DIAPH3: variants seen among roughly 807,000 people sequenced by gnomAD.
DIAPH3 encodes the protein diaphanous related formin 3.
A neutral mutation model predicts 144.3 loss-of-function variants in DIAPH3; 117 were observed. The ratio of observed to expected loss-of-function variants is 0.81; its 90% CI spans 0.70 to 0.95. DIAPH3 has a LOEUF of 0.95. DIAPH3 is among the 40% of genes least tolerant of loss of function. The pLI is 0.00. For missense variants in DIAPH3, 1,421 were observed against 1,412.7 expected, an observed-to-expected ratio of 1.01 and a Z score of -0.09; for synonymous variants, 519 against 488.9, an observed-to-expected ratio of 1.06 and a Z score of -0.81.
chr13:59,924,345 C>T (rs558407039), intron 18 of DIAPH3, among the ~76,000 whole-genome samples: 5 of 152,216 alleles, frequency 3.3e-5, no homozygotes, highest in Middle Eastern at 3.4e-3. Context: ...ACTCACCATC[C>T]TTATTTCCGT....
At chr13:59,893,385 A>G (rs2045920869) in intron 20 of DIAPH3, among the ~76,000 whole-genome samples, 2 of 152,206 alleles carry the variant, frequency 1.3e-5, no homozygotes, top group South Asian at 4.1e-4. Flanking sequence ...CTTACATTCT[A>G]GAGTCACTTG....
At position 59,995,551 on chromosome 13, in the gene DIAPH3, C is replaced by T. The variant is rs188899032; in HGVS notation, c.1015-2968G>A. Among the ~76,000 whole-genome samples the T allele has an allele frequency of 7.6e-3, 1,162 of 151,946 alleles. 22 individuals are homozygous for T. The highest frequency in any genetic ancestry group is 7.5e-3 in the Non-Finnish European group (509 of 67,898). ...CTATTTATTGATGCCTACTATATAC[C>T]AGGCACTGTTCTTGGTGCTAGACAT... is the stretch of plus-strand genomic sequence containing the variant. On this transcript the variant is annotated intron_variant, in intron 9 of 27. Coordinates refer to ENST00000400324, the MANE Select transcript of DIAPH3 (RefSeq NM_001042517.2).
At chr13:60,154,062 G>A (rs1023436130) in intron 1 of DIAPH3, among the ~76,000 whole-genome samples, 3 of 152,092 alleles carry the variant, frequency 2.0e-5, no homozygotes, top group African/African-American at 4.8e-5. Flanking sequence ...TAAGAACTAA[G>A]AACAGAATGG....
intron 22 of DIAPH3, among the ~76,000 whole-genome samples, chr13:59,858,762 T>C (rs1566425190): frequency 6.6e-6 from 1 of 152,144 alleles, no homozygotes; most frequent in Non-Finnish European, 1.5e-5. Flanking sequence ...AATATTACAA[T>C]GGTATACAGA....
intron 13 of DIAPH3, among the ~76,000 whole-genome samples, chr13:59,983,139 TAAAA>T (rs4054895): frequency 2.9e-5 from 3 of 104,664 alleles, no homozygotes; most frequent in Admixed American, 1.1e-4. Context: ...GCTTTATCTT[TAAAA>T]AAAAAAAAAA....
At chr13:59,723,459 T>TTG (rs138939614) in intron 27 of DIAPH3, among the ~76,000 whole-genome samples, 107 of 151,558 alleles carry the variant, frequency 7.1e-4, no homozygotes, top group Admixed American at 4.3e-3. Context: ...TAACTATATA[T>TTG]TGTGTGTGTG....
chr13:60,037,565 A>AT (rs1451113082), intron 5 of DIAPH3, among the ~76,000 whole-genome samples: 1 of 152,000 alleles, frequency 6.6e-6, no homozygotes, highest in Non-Finnish European at 1.5e-5. Context: ...AGATTAGTAA[A>AT]TGAGGAAAAA....
At chr13:60,009,819 C>A (rs1313958067) in intron 8 of DIAPH3, among the ~76,000 whole-genome samples, 1 of 152,172 alleles carries the variant, frequency 6.6e-6, no homozygotes, top group Non-Finnish European at 1.5e-5. Context: ...ACTCTGCCAA[C>A]CCCTACATAT....
At chr13:59,957,087 T>C (rs2049451962) in intron 17 of DIAPH3, among the ~76,000 whole-genome samples, 1 of 151,394 alleles carries the variant, frequency 6.6e-6, no homozygotes, top group Admixed American at 6.6e-5. Flanking sequence ...TTGTCTCAGA[T>C]GAGATTTTGG....
At chr13:59,976,417 C>G (rs540801852) in intron 14 of DIAPH3, among the ~76,000 whole-genome samples, 1 of 152,020 alleles carries the variant, frequency 6.6e-6, no homozygotes, top group East Asian at 1.9e-4. Flanking sequence ...TCCTCGGTCA[C>G]ACCAGCCATT....
intron 5 of DIAPH3, among the ~76,000 whole-genome samples, chr13:60,029,589 C>T (rs758281906): frequency 6.6e-6 from 1 of 152,212 alleles, no homozygotes; most frequent in Non-Finnish European, 1.5e-5. Context: ...ATTTGCCCTG[C>T]TTCCACTCAC....
At chr13:59,733,396 T>C (rs1174829675) in intron 27 of DIAPH3, among the ~76,000 whole-genome samples, 4 of 152,110 alleles carry the variant, frequency 2.6e-5, no homozygotes, top group Non-Finnish European at 5.9e-5. Context: ...AGTATAAAGA[T>C]TGAAAAGAAA....
chr13:59,830,221 T>C (rs2041700298), intron 24 of DIAPH3, among the ~76,000 whole-genome samples: 1 of 151,806 alleles, frequency 6.6e-6, no homozygotes, highest in African/African-American at 2.4e-5. Context: ...TCAGGAGTTT[T>C]TGCCAATATT....
At chr13:60,117,374 C>T (rs1337363920) in intron 2 of DIAPH3, among the ~76,000 whole-genome samples, 9 of 151,882 alleles carry the variant, frequency 5.9e-5, no homozygotes, top group Admixed American at 4.6e-4. Context: ...CAATATAATG[C>T]TTTTATTTCT....
chr13:60,153,451 A>G (rs1951891289), intron 1 of DIAPH3: 1 of 152,176 alleles, frequency 6.6e-6, no homozygotes, highest in African/African-American at 2.4e-5. Context: ...TATGAAAAAG[A>G]TAATGGTGTC....
In DIAPH3 at chr13:59,879,082, G is replaced by C. The variant is rs1033442512; in HGVS notation, c.2607+147C>G. 5.3e-6 allele frequency: 6 copies of C among 1,123,868 alleles called. No homozygotes were observed. In the Admixed American group the frequency reaches 1.5e-4, roughly 28 times the overall value. 69.6% of individuals were successfully genotyped at this position (1,123,868 alleles called of 1,614,324 possible). ...TTCAGAGGTTGAGTAAATTAGCTCA[G>C]TTCACTCTGGGTTTGAGTTCATGGT... On this transcript the variant is annotated intron_variant, in intron 21 of 27. Transcript: ENST00000400324.
intron 5 of DIAPH3, among the ~76,000 whole-genome samples, chr13:60,036,483 C>T (rs1463487990): frequency 6.6e-6 from 1 of 151,456 alleles, no homozygotes; most frequent in Non-Finnish European, 1.5e-5. Context: ...CTAGTGGCTA[C>T]CATATTGAAT....
intron 14 of DIAPH3, among the ~76,000 whole-genome samples, chr13:59,979,172 G>T (rs2140666702): frequency 6.6e-6 from 1 of 151,594 alleles, no homozygotes; most frequent in Middle Eastern, 3.4e-3. Flanking sequence ...CCTTGAACAA[G>T]GTCTTTCTTC....
intron 1 of DIAPH3, among the ~76,000 whole-genome samples, chr13:60,159,832 G>A (rs574402460): frequency 1.2e-4 from 19 of 152,138 alleles, no homozygotes; most frequent in South Asian, 6.2e-4. Context: ...TAATTACAAC[G>A]CACCTAGAAC....
Sources: allele counts gnomAD v4.1 joint callset (sites outside exome capture counted in the v4.1 genomes callset), GRCh38; gene constraint gnomAD v4.1.1; transcripts MANE v1.5; gene names NCBI Gene and HGNC (gene_info 2026-07-23, HGNC 2026-07-21).